The following PLXDC2 variants were observed in gnomAD, a reference collection of about 807,000 sequenced individuals.
PLXDC2 encodes the protein plexin domain-containing protein 2.
Under a neutral mutation model 68.9 loss-of-function variants are expected in PLXDC2, and 40 were observed. The ratio of observed to expected loss-of-function variants is 0.58; its 90% CI spans 0.45 to 0.76. The LOEUF is 0.76. PLXDC2 is among the 30% of genes least tolerant of loss of function. The pLI is 0.00. For synonymous variants in PLXDC2, 243 were observed against 234.2 expected, an observed-to-expected ratio of 1.04 and a Z score of -0.34; for missense variants, 644 against 661.9, an observed-to-expected ratio of 0.97 and a Z score of 0.30.
intron 1 of PLXDC2, among the ~76,000 whole-genome samples, chr10:19,943,202 C>A (rs1833845748): frequency 6.6e-6 from 1 of 152,030 alleles, no homozygotes; most frequent in Admixed American, 6.6e-5. Context: ...ATTGAATAAT[C>A]CAGATTTAGC....
At chr10:19,944,523 G>C (rs554938020) in intron 1 of PLXDC2, among the ~76,000 whole-genome samples, 2 of 152,184 alleles carry the variant, frequency 1.3e-5, no homozygotes, top group Admixed American at 1.3e-4. Flanking sequence ...ATTGAACAAA[G>C]AACCACTGGT....
At chr10:20,196,871 T>C (rs1190445438) in intron 9 of PLXDC2, among the ~76,000 whole-genome samples, 1 of 152,218 alleles carries the variant, frequency 6.6e-6, no homozygotes, top group East Asian at 1.9e-4. Context: ...GTGGCTTTTT[T>C]TTCTGGAAGT....
chr10:20,182,334 A>G (rs1475834919), intron 9 of PLXDC2, among the ~76,000 whole-genome samples: 1 of 152,000 alleles, frequency 6.6e-6, no homozygotes, highest in East Asian at 1.9e-4. Flanking sequence ...ACACCTATAT[A>G]TAAAGGGAAT....
At chr10:20,147,509 A>C (rs2131797357) in intron 5 of PLXDC2, among the ~76,000 whole-genome samples, 1 of 152,296 alleles carries the variant, frequency 6.6e-6, no homozygotes, top group South Asian at 2.1e-4. Flanking sequence ...AACATTAATA[A>C]AATTCCTAAG....
intron 1 of PLXDC2, among the ~76,000 whole-genome samples, chr10:19,918,156 A>C (rs1833401287): frequency 6.6e-6 from 1 of 152,126 alleles, no homozygotes; most frequent in Non-Finnish European, 1.5e-5. Flanking sequence ...AGCAGGTCAG[A>C]TATCCTAGTT....
At chr10:20,052,273 A>G (rs1399012203) in intron 3 of PLXDC2, among the ~76,000 whole-genome samples, 2 of 152,044 alleles carry the variant, frequency 1.3e-5, no homozygotes, top group Non-Finnish European at 2.9e-5. Flanking sequence ...AGCTTTCCAA[A>G]TTGTATAGAG....
intron 4 of PLXDC2, among the ~76,000 whole-genome samples, chr10:20,130,824 A>G (rs113839349): frequency 0.029 from 4,487 of 152,268 alleles, 95 homozygotes; most frequent in South Asian, 0.073. Context: ...AACAAGGATA[A>G]AACCCATGTG....
chr10:20,026,318 T>A (rs969367118), intron 2 of PLXDC2, among the ~76,000 whole-genome samples: 1 of 152,156 alleles, frequency 6.6e-6, no homozygotes, highest in Admixed American at 6.6e-5. Flanking sequence ...TGACATTTAA[T>A]CTAAAAAGGC....
intron 4 of PLXDC2, among the ~76,000 whole-genome samples, chr10:20,069,624 T>C (rs920887515): frequency 4.0e-5 from 6 of 150,842 alleles, no homozygotes; most frequent in African/African-American, 1.5e-4. Context: ...CATTGCACTA[T>C]AGCCTGGCTG....
At chr10:19,835,143 C>T (rs561429797) in intron 1 of PLXDC2, among the ~76,000 whole-genome samples, 1 of 152,268 alleles carries the variant, frequency 6.6e-6, no homozygotes, top group East Asian at 1.9e-4. Flanking sequence ...AAGGGCCTTG[C>T]ACACCTAGCC....
At chr10:20,180,803 A>G (rs968529393) in intron 9 of PLXDC2, among the ~76,000 whole-genome samples, 4 of 152,088 alleles carry the variant, frequency 2.6e-5, no homozygotes, top group Non-Finnish European at 5.9e-5. Context: ...GAGATCCATG[A>G]TCTCAAGTGC....
intron 1 of PLXDC2, among the ~76,000 whole-genome samples, chr10:19,969,263 G>A (rs1472159128): frequency 1.3e-5 from 2 of 152,040 alleles, no homozygotes; most frequent in Non-Finnish European, 2.9e-5. Context: ...ATCCATAACC[G>A]ACCCTTAAGG....
At chr10:20,136,061 T>C (rs1019565299) in intron 4 of PLXDC2, among the ~76,000 whole-genome samples, 17 of 152,198 alleles carry the variant, frequency 1.1e-4, no homozygotes, top group Admixed American at 6.5e-5. Context: ...GACAATATTA[T>C]AGTTTTCTTC....
chr10:20,041,688 A>G (rs1835686022), intron 2 of PLXDC2, among the ~76,000 whole-genome samples: 1 of 152,122 alleles, frequency 6.6e-6, no homozygotes, highest in Non-Finnish European at 1.5e-5. Flanking sequence ...CCTTAACCAA[A>G]GATGGCAGGC....
At chr10:19,938,312 C>T (rs902288234) in intron 1 of PLXDC2, among the ~76,000 whole-genome samples, 2 of 152,100 alleles carry the variant, frequency 1.3e-5, no homozygotes, top group Non-Finnish European at 2.9e-5. Flanking sequence ...GTGTATTAGG[C>T]CATTCTCATA....
At chr10:19,865,607 T>G (rs1035883597) in intron 1 of PLXDC2, among the ~76,000 whole-genome samples, 2 of 152,216 alleles carry the variant, frequency 1.3e-5, no homozygotes, top group Non-Finnish European at 2.9e-5. Flanking sequence ...ACGTCGAAAG[T>G]ACCTCCAAGC....
chr10:20,127,649 A>G lies in PLXDC2; in HGVS notation c.542-15646A>G, dbSNP rs774381545. 3.3e-5 allele frequency among the ~76,000 whole-genome samples: 5 copies of G among 152,240 alleles called. No homozygotes were observed. In the South Asian group the frequency reaches 8.3e-4, roughly 25 times the overall value. On this transcript the variant is annotated intron_variant, in intron 4 of 13. Coordinates refer to ENST00000377252, the MANE Select transcript of PLXDC2 (RefSeq NM_032812.9). The stretch of plus-strand genomic sequence containing the variant: ...ATCTTCCTTCCAGGGCTGTTTCTGG[A>G]CATTTTAAAAATGGATTTCAAATGA...
chr10:19,870,015 A>G (rs1199959956), intron 1 of PLXDC2, among the ~76,000 whole-genome samples: 2 of 152,238 alleles, frequency 1.3e-5, no homozygotes, highest in Non-Finnish European at 2.9e-5. Flanking sequence ...AACAAGATAA[A>G]GGTAATTTCT....
In PLXDC2 at chr10:19,830,721, A is replaced by G. The variant is rs1425180766; in HGVS notation, c.112+13530A>G. On this transcript the variant is annotated intron_variant, in intron 1 of 13. Transcript: ENST00000377252. ...CAGGCTAACTGGTCTTTCTCTAACT[A>G]TGCTCCGGAAAAGAGAAGGTTTTTT... 2.7e-5 allele frequency among the ~76,000 whole-genome samples: 4 copies of G among 147,924 alleles called. No homozygotes were observed. In the Admixed American group the frequency reaches 2.7e-4, roughly 10 times the overall value.
Sources: gnomAD v4.1 joint callset for allele counts (sites outside exome capture counted in the v4.1 genomes callset) on GRCh38, gnomAD v4.1.1 for gene constraint, MANE v1.5 for transcripts, NCBI Gene and HGNC (gene_info 2026-07-23, HGNC 2026-07-21) for gene names.